The following SVIL variants were observed in gnomAD, a reference collection of about 807,000 sequenced individuals.
SVIL encodes supervillin.
Under a neutral mutation model 240.4 loss-of-function variants are expected in SVIL, and 101 were observed. That is an observed-to-expected ratio of 0.42 (90% CI 0.36 to 0.50). The LOEUF (loss-of-function observed/expected upper bound fraction) is 0.50. Ranked by LOEUF, SVIL falls within the 20% of genes least tolerant of loss-of-function variation. The pLI is 0.01. For missense variants in SVIL, 2,512 were observed against 2,818.7 expected, an observed-to-expected ratio of 0.89 and a Z score of 2.46; for synonymous variants, 999 against 1,100.0, an observed-to-expected ratio of 0.91 and a Z score of 1.82.
intron 2 of SVIL, among the ~76,000 whole-genome samples, chr10:29,666,614 C>T (rs1308646470): frequency 6.6e-6 from 1 of 152,160 alleles, no homozygotes; most frequent in African/African-American, 2.4e-5. Flanking sequence ...GTTTACTACA[C>T]CCAAGAGAAA....
At chr10:29,723,008 C>G (rs1688226469) in intron 1 of SVIL, among the ~76,000 whole-genome samples, 1 of 152,218 alleles carries the variant, frequency 6.6e-6, no homozygotes, top group African/African-American at 2.4e-5. Context: ...TCACGTGGTA[C>G]TTGTGATTAA....
chr10:29,457,972 C>G lies in SVIL; in HGVS notation c.*275G>C, dbSNP rs1053256805. The G allele has an allele frequency of 1.5e-5, 4 of 261,808 alleles. No homozygotes were observed. Among genetic ancestry groups the G allele is most frequent in the Non-Finnish European group, 2.8e-5 (4 of 140,384 alleles). 16.2% of individuals were successfully genotyped at this position (261,808 alleles called of 1,614,324 possible). On this transcript the variant is annotated 3_prime_UTR_variant, in exon 38 of 38. Transcript: ENST00000355867. ...GCCTAGCTGGAACAAGAAGGCAGTG[C>G]TATCTATAGCAGCTGCGGCTTAAGT... is the stretch of plus-strand genomic sequence containing the variant.
chr10:29,597,460 C>T (rs1211965448), intron 1 of SVIL, among the ~76,000 whole-genome samples: 1 of 152,116 alleles, frequency 6.6e-6, no homozygotes, highest in Non-Finnish European at 1.5e-5. Context: ...TGCTCTGTTG[C>T]ACAGGCTGGA....
intron 5 of SVIL, 28 bp from the exon 6 acceptor site, chr10:29,551,291 T>C: frequency 6.5e-7 from 1 of 1,544,752 alleles, no homozygotes; most frequent in Non-Finnish European, 8.7e-7. Flanking sequence ...GGATGAGAGG[T>C]GCAGATTTCA....
chr10:29,651,618 T>TTCTCTCTCTCTCTCTCTCTCTC (rs9299622), intron 3 of SVIL, among the ~76,000 whole-genome samples: 31 of 135,426 alleles, frequency 2.3e-4, no homozygotes, highest in Middle Eastern at 7.5e-3. Flanking sequence ...GCCACATGCA[T>TTCTCTCTCTCTCTCTCTCTCTC]TCTCTCTCTC....
chr10:29,703,843 C>T (rs555857930), intron 1 of SVIL, among the ~76,000 whole-genome samples: 2 of 152,248 alleles, frequency 1.3e-5, no homozygotes, highest in South Asian at 4.1e-4. Context: ...GATCAGTCGC[C>T]CAGGCTGGGG....
chr10:29,613,797 G>C (rs1360356385), intron 1 of SVIL, among the ~76,000 whole-genome samples: 1 of 152,164 alleles, frequency 6.6e-6, no homozygotes. Context: ...CCTATAATTT[G>C]ACATTGCAAC....
In SVIL at chr10:29,563,238, T is replaced by C. The variant is rs766358877; in HGVS notation, c.-88A>G. 3 of 985,858 alleles carry C rather than the reference T, an allele frequency of 3.0e-6. No homozygotes were observed. The highest frequency in any genetic ancestry group is 3.6e-6 in the Non-Finnish European group (3 of 829,910). The allele number at this position is 985,858 out of a possible 1,614,324, so 61.1% of individuals were successfully genotyped here. A position where few individuals can be genotyped will look rare whatever the true frequency, so the allele number is the denominator to read the frequency against. ...CAACTAAAAGCTGAGCATCGATTCC[T>C]CTTTCGTGGTTAGCGAGCTGTTCTT... On this transcript the variant is annotated 5_prime_UTR_variant, in exon 3 of 38. Coordinates refer to ENST00000355867, the MANE Select transcript of SVIL (RefSeq NM_021738.3).
At chr10:29,695,648 G>A (rs927870901) in intron 1 of SVIL, among the ~76,000 whole-genome samples, 5 of 152,094 alleles carry the variant, frequency 3.3e-5, no homozygotes, top group Admixed American at 6.5e-5. Context: ...GGATGCTGAG[G>A]TGGGAGAATT....
At position 29,486,560 on chromosome 10, in the gene SVIL, A is replaced by G; in HGVS notation, c.4486-3T>C. ...ATTAAAGTTGCAAGTTCTGAGGCCT[A>G]AAAAAGAGAGGAACACAATTGCCTG... is the stretch of plus-strand genomic sequence containing the variant. On this transcript the variant is annotated splice_region_variant and splice_polypyrimidine_tract_variant and intron_variant, in intron 24 of 37. Transcript: ENST00000355867. The G allele has an allele frequency of 6.2e-7, 1 of 1,614,040 alleles. No individual in the cohort carries two copies. Among genetic ancestry groups the G allele is most frequent in the Non-Finnish European group, 8.5e-7 (1 of 1,179,970 alleles).
intron 29 of SVIL, among the ~76,000 whole-genome samples, chr10:29,474,465 C>T (rs1285934291): frequency 6.6e-6 from 1 of 152,056 alleles, no homozygotes; most frequent in Non-Finnish European, 1.5e-5. Flanking sequence ...TGTGGTGTTG[C>T]ACACCTGTAG....
intron 11 of SVIL, among the ~76,000 whole-genome samples, chr10:29,530,138 C>T (rs1379832098): frequency 2.0e-5 from 3 of 152,070 alleles, no homozygotes; most frequent in African/African-American, 7.2e-5. Context: ...CACATTGCTG[C>T]ACTCAACCCT....
chr10:29,541,682 G>A (rs1267648295), intron 6 of SVIL, among the ~76,000 whole-genome samples: 1 of 150,734 alleles, frequency 6.6e-6, no homozygotes, highest in Non-Finnish European at 1.5e-5. Context: ...ATCTGAGGAA[G>A]GTGCGAGGCT....
At position 29,703,299 on chromosome 10, in the gene SVIL, G is replaced by A. The variant is rs146392147; in HGVS notation, c.-399-16648C>T. ...ACCTGGATCACCGTGAGGGTGAAAC[G>A]CCAGATGCTGAGCATTTCTGCGCTT... On this transcript the variant is annotated intron_variant, in intron 1 of 35. Transcript: ENST00000375400. Among the ~76,000 whole-genome samples, 976 of 152,206 alleles carry A rather than the reference G, an allele frequency of 6.4e-3. 9 individuals carry two copies. Among genetic ancestry groups the A allele is most frequent in the African/African-American group, 0.022 (918 of 41,516 alleles).
intron 17 of SVIL, among the ~76,000 whole-genome samples, chr10:29,509,324 GGGGAGGGAGAGAGAGA>G (rs1949616060): frequency 2.5e-5 from 2 of 79,778 alleles, no homozygotes; most frequent in Admixed American, 1.6e-4. Context: ...GGAGAAGGAG[GGGGAGGGAGAGAGAGA>G]GAGAGAGAGA....
intron 1 of SVIL, among the ~76,000 whole-genome samples, chr10:29,709,802 C>T (rs374391638): frequency 1.5e-4 from 23 of 152,226 alleles, no homozygotes; most frequent in African/African-American, 5.1e-4. Flanking sequence ...AGCACCCAGC[C>T]GGCTCCCAGC....
At chr10:29,609,855 T>C (rs1202636382) in intron 1 of SVIL, among the ~76,000 whole-genome samples, 2 of 152,204 alleles carry the variant, frequency 1.3e-5, no homozygotes, top group African/African-American at 4.8e-5. Flanking sequence ...TTGGCAGGCA[T>C]GGGATCCAGG....
chr10:29,590,863 CCT>C (rs1232238555), intron 1 of SVIL, among the ~76,000 whole-genome samples: 1 of 152,196 alleles, frequency 6.6e-6, no homozygotes, highest in Non-Finnish European at 1.5e-5. Context: ...TATACCTCCC[CCT>C]GGTGGCAGAA....
chr10:29,555,233 G>A, intron 3 of SVIL, 125 bp from the exon 4 acceptor site: 3 of 963,686 alleles, frequency 3.1e-6, no homozygotes, highest in Admixed American at 3.0e-5. Flanking sequence ...ACAGTGACAT[G>A]CAAAACTGAC....
Sources: allele counts gnomAD v4.1 joint callset (sites outside exome capture counted in the v4.1 genomes callset), GRCh38; gene constraint gnomAD v4.1.1; transcripts MANE v1.5; gene names NCBI Gene and HGNC (gene_info 2026-07-23, HGNC 2026-07-21).